Variants in GALR1 observed in about 807,000 individuals in gnomAD.
GALR1 encodes galanin receptor 1.
GALR1 carries 11 observed loss-of-function variants against 17.9 expected under a neutral mutation model. That is an observed-to-expected ratio of 0.62 (90% CI 0.39 to 1.02). The LOEUF (loss-of-function observed/expected upper bound fraction) is 1.02. GALR1 is among the 50% of genes least tolerant of loss of function. The pLI, the probability that GALR1 is intolerant of heterozygous loss-of-function variation, is 0.01. For synonymous variants in GALR1, 206 were observed against 205.7 expected, an observed-to-expected ratio of 1.00 and a Z score of -0.01; for missense variants, 441 against 456.9, an observed-to-expected ratio of 0.97 and a Z score of 0.32.
At chr18:77,251,251 G>A in intron 1 of GALR1, 37 bp downstream of exon 1, 1 of 1,561,810 alleles carries the variant, frequency 6.4e-7, no homozygotes, top group Non-Finnish European at 8.7e-7. Flanking sequence ...GCGCGAGGGA[G>A]GGCGGAGGGC....
chr18:77,258,707 ATGG>A (rs764366219), intron 2 of GALR1, among the ~76,000 whole-genome samples: 22 of 11,050 alleles, frequency 2.0e-3, no homozygotes, highest in Non-Finnish European at 3.9e-3. Flanking sequence ...TGGTCATGTG[ATGG>A]TGGTGCTGGT....
In GALR1 at chr18:77,250,657, CT is replaced by C; in HGVS notation, c.110del (p.Leu37ArgfsTer6). On this transcript the variant is annotated frameshift_variant, in exon 1 of 3. Coordinates refer to ENST00000299727, the MANE Select transcript of GALR1 (RefSeq NM_001480.4). LOFTEE classifies it high-confidence loss of function. Reference protein sequence around the residue: ...FGIGVENFVTLVVFGLIFALG... With the variant: ...FGIGVENFVTXVVFGLIFALG... ...CATCGGCGTGGAGAACTTCGTCACG[CT>C]GGTGGTGTTCGGCCTGATCTTCGCG... The C allele has an allele frequency of 6.2e-7, 1 of 1,609,462 alleles. No homozygotes were observed. Among genetic ancestry groups the C allele is most frequent in the Non-Finnish European group, 8.5e-7 (1 of 1,178,648 alleles).
At chr18:77,258,521 TGTG>T (rs1350600147) in intron 2 of GALR1, among the ~76,000 whole-genome samples, 12 of 117,994 alleles carry the variant, frequency 1.0e-4, no homozygotes, top group East Asian at 5.0e-4. Flanking sequence ...TGGTGATCAT[TGTG>T]GTGATGGTGG....
rs765381789 is a variant in GALR1, at chr18:77,250,830, C to T, written c.282C>T (p.Thr94=). The change falls in exon 1 of 3, where the codon ACC becomes ACT. Residue 94 remains threonine (T), a synonymous_variant. Transcript: ENST00000299727. The part of the protein sequence containing the change: ...YLLFCIPFQA[T]VYALPTWVLG... ...TCTTCTGCATCCCCTTCCAGGCCAC[C>T]GTGTACGCGCTGCCCACCTGGGTGC... 18 of 1,613,558 alleles carry T rather than the reference C, an allele frequency of 1.1e-5. No homozygotes were observed. Among genetic ancestry groups the T allele is most frequent in the East Asian group, 2.2e-5 (1 of 44,888 alleles).
At chr18:77,264,879 C>T (rs59360013) in intron 2 of GALR1, among the ~76,000 whole-genome samples, 6,800 of 152,170 alleles carry the variant, frequency 0.045, 229 homozygotes, top group Admixed American at 0.091. Context: ...ATTCAGTTAC[C>T]TCCTTTTGGG....
At chr18:77,259,299 G>GTGATGACGGTGA (rs1912751012) in intron 2 of GALR1, among the ~76,000 whole-genome samples, 1 of 57,696 alleles carries the variant, frequency 1.7e-5, no homozygotes, top group African/African-American at 4.3e-5. Context: ...GGTCATGGTG[G>GTGATGACGGTGA]TGATGATGGT....
At chr18:77,255,360 G>C (rs1268857676) in intron 1 of GALR1, among the ~76,000 whole-genome samples, 1 of 152,212 alleles carries the variant, frequency 6.6e-6, no homozygotes, top group East Asian at 1.9e-4. Flanking sequence ...GACAAAAATA[G>C]TTTCTGTAAT....
At chr18:77,257,294 A>T (rs539434063) in intron 2 of GALR1, among the ~76,000 whole-genome samples, 1 of 152,200 alleles carries the variant, frequency 6.6e-6, no homozygotes, top group Non-Finnish European at 1.5e-5. Context: ...CCCTGGCAGC[A>T]AAAAATTAGC....
chr18:77,259,441 ATGGTGAT>A lies in GALR1; in HGVS notation c.732+3219_732+3225del, dbSNP rs1568142337. Among the ~76,000 whole-genome samples the A allele has an allele frequency of 5.0e-4, 67 of 135,284 alleles. 1 individual carries two copies. The highest frequency in any genetic ancestry group is 8.5e-4 in the Non-Finnish European group (53 of 62,006). 88.8% of individuals were successfully genotyped at this position (135,284 alleles called of 152,430 possible). A position where few individuals can be genotyped will look rare whatever the true frequency, so the allele number is the denominator to read the frequency against. Reference sequence around the variant, plus strand: ...GGTGATGATGGTCATGGTGGTGATGATGGTGATCATGGTGGTGATGGTGGTGATGGTG... The same window carrying A: ...GGTGATGATGGTCATGGTGGTGATGACATGGTGGTGATGGTGGTGATGGTG... On this transcript the variant is annotated intron_variant, in intron 2 of 2. Coordinates refer to ENST00000299727, the MANE Select transcript of GALR1 (RefSeq NM_001480.4).
intron 2 of GALR1, among the ~76,000 whole-genome samples, chr18:77,267,143 C>T (rs1912960133): frequency 6.6e-6 from 1 of 152,200 alleles, no homozygotes; most frequent in African/African-American, 2.4e-5. Flanking sequence ...ACAGAGGAGG[C>T]TGGGGAAGCA....
chr18:77,264,598 A>G (rs1912906663), intron 2 of GALR1, among the ~76,000 whole-genome samples: 2 of 152,098 alleles, frequency 1.3e-5, no homozygotes, highest in African/African-American at 4.8e-5. Flanking sequence ...GAGTGGGTAT[A>G]TTAGTCTGTT....
rs1301338675 is a variant in GALR1, at chr18:77,270,702, T to C, written c.*1800T>C. 1 of 152,188 alleles carries C rather than the reference T, an allele frequency of 6.6e-6. No individual in the cohort carries two copies. Among genetic ancestry groups the C allele is most frequent in the African/African-American group, 2.4e-5 (1 of 41,446 alleles). The allele number at this position is 152,188 out of a possible 1,614,324, so 9.4% of individuals were successfully genotyped here. A position where few individuals can be genotyped will look rare whatever the true frequency, so the allele number is the denominator to read the frequency against. On this transcript the variant is annotated 3_prime_UTR_variant, in exon 3 of 3. Transcript: ENST00000299727. Reference sequence around the variant, plus strand: ...TCACTAATCATATTTCAGTGACTAGTGTTTACATTTGCAATGTTATTAATA... The same window carrying C: ...TCACTAATCATATTTCAGTGACTAGCGTTTACATTTGCAATGTTATTAATA...
chr18:77,259,036 A>G (rs1205368375), intron 2 of GALR1, among the ~76,000 whole-genome samples: 3 of 8,750 alleles, frequency 3.4e-4, no homozygotes, highest in African/African-American at 5.9e-4. Flanking sequence ...GGTGGTGGTC[A>G]TGATGGTCAT....
At chr18:77,257,932 T>G (rs372349927) in intron 2 of GALR1, among the ~76,000 whole-genome samples, 1 of 152,336 alleles carries the variant, frequency 6.6e-6, no homozygotes, top group East Asian at 1.9e-4. Context: ...ATTCAAAAGA[T>G]TTTATGCTTA....
rs181210371 is a variant in GALR1, at chr18:77,275,201, G to T, written c.*6299G>T. On this transcript the variant is annotated 3_prime_UTR_variant, in exon 3 of 3. Transcript: ENST00000299727. ...ATCTCTGAGAATTCGTTCCCTGTGGGTGTCTGGGGTGCATCGTTACTTCTG... is the reference window on the plus strand; with the variant it reads ...ATCTCTGAGAATTCGTTCCCTGTGGTTGTCTGGGGTGCATCGTTACTTCTG... 6 of 152,284 alleles carry T rather than the reference G, an allele frequency of 3.9e-5. No homozygotes were observed. Among genetic ancestry groups the T allele is most frequent in the Non-Finnish European group, 5.9e-5 (4 of 68,100 alleles). 9.4% of individuals were successfully genotyped at this position (152,284 alleles called of 1,614,324 possible).
Position 77,270,959 on chromosome 18 carries a change from A to G in GALR1, c.*2057A>G, listed in dbSNP as rs572057382. On this transcript the variant is annotated 3_prime_UTR_variant, in exon 3 of 3. Coordinates refer to ENST00000299727, the MANE Select transcript of GALR1 (RefSeq NM_001480.4). ...ACTTGAAGTTGCTGTTGCAAACTCCAGAACAACTTCTTTGGGTGTGAACTC... is the reference window on the plus strand; with the variant it reads ...ACTTGAAGTTGCTGTTGCAAACTCCGGAACAACTTCTTTGGGTGTGAACTC... The G allele has an allele frequency of 6.6e-6, 1 of 152,346 alleles. No homozygotes were observed. Among genetic ancestry groups the G allele is most frequent in the Admixed American group, 6.5e-5 (1 of 15,306 alleles). The allele number at this position is 152,346 out of a possible 1,614,324, so 9.4% of individuals were successfully genotyped here.
In GALR1 at chr18:77,274,641, C is replaced by A. The variant is rs2000843; in HGVS notation, c.*5739C>A. ...GACCGTTGACTATGCTGGGAGGGTGCAGAAATGAAGCTGATGGCAGAAGCA... is the reference window on the plus strand; with the variant it reads ...GACCGTTGACTATGCTGGGAGGGTGAAGAAATGAAGCTGATGGCAGAAGCA... On this transcript the variant is annotated 3_prime_UTR_variant, in exon 3 of 3. Coordinates refer to ENST00000299727, the MANE Select transcript of GALR1 (RefSeq NM_001480.4). 1 of 152,064 alleles carries A rather than the reference C, an allele frequency of 6.6e-6. No individual in the cohort carries two copies. Among genetic ancestry groups the A allele is most frequent in the African/African-American group, 2.4e-5 (1 of 41,346 alleles). 9.4% of individuals were successfully genotyped at this position (152,064 alleles called of 1,614,324 possible). A position where few individuals can be genotyped will look rare whatever the true frequency, so the allele number is the denominator to read the frequency against.
intron 2 of GALR1, among the ~76,000 whole-genome samples, chr18:77,259,338 G>A: frequency 7.1e-6 from 1 of 140,344 alleles, no homozygotes; most frequent in Non-Finnish European, 1.6e-5. Flanking sequence ...GGTGGCGATT[G>A]TGGTGATGGT....
Position 77,256,212 on chromosome 18 carries a change from T to A in GALR1, c.721T>A (p.Ser241Thr). 1 of 1,574,770 alleles carries A rather than the reference T, an allele frequency of 6.4e-7. No homozygotes were observed. Among genetic ancestry groups the A allele is most frequent in the Non-Finnish European group, 8.7e-7 (1 of 1,144,770 alleles). The change falls in exon 2 of 3, where the codon TCC becomes ACC. Residue 241 changes from serine to threonine, a missense_variant. By Grantham distance (58) the Ser-to-Thr change is moderately conservative (BLOSUM62 1). Coordinates refer to ENST00000299727, the MANE Select transcript of GALR1 (RefSeq NM_001480.4). ...GAACATGTCAAAGAAGTCTGAAGCA[T>A]CCAAGAAAAAGGTAATGATCACAAA... is the stretch of plus-strand genomic sequence containing the variant. ...LKNMSKKSEASKKKTAQTVLV... is the reference protein window; with the variant it reads ...LKNMSKKSEATKKKTAQTVLV...
Sources: gnomAD v4.1 joint callset for allele counts (sites outside exome capture counted in the v4.1 genomes callset) on GRCh38, gnomAD v4.1.1 for gene constraint, MANE v1.5 for transcripts, NCBI Gene and HGNC (gene_info 2026-07-23, HGNC 2026-07-21) for gene names.